Variants in CSMD3 observed in about 807,000 individuals in gnomAD.
CSMD3 encodes the protein CUB and Sushi multiple domains 3.
In CSMD3, 177 loss-of-function variants were observed where a neutral mutation model predicts 435.2. That is an observed-to-expected ratio of 0.41 (90% CI 0.36 to 0.46). The LOEUF (loss-of-function observed/expected upper bound fraction) is 0.46, where lower values mean the gene tolerates loss of function less well. Among genes scored for constraint, CSMD3 ranks in the 20% least tolerant of loss-of-function variants. The pLI, the probability that CSMD3 is intolerant of heterozygous loss-of-function variation, is 0.34. For missense variants in CSMD3, 4,265 were observed against 4,504.6 expected, an observed-to-expected ratio of 0.95 and a Z score of 1.52; for synonymous variants, 1,656 against 1,520.5, an observed-to-expected ratio of 1.09 and a Z score of -2.07.
At chr8:113,081,955 C>T (rs7817505) in intron 5 of CSMD3, among the ~76,000 whole-genome samples, 102,172 of 152,042 alleles carry the variant, frequency 0.67, 35,947 homozygotes, top group East Asian at 0.95. Context: ...ATCAATTCCT[C>T]TAGCAGGGAA....
chr8:113,013,278 A>G (rs2131138442), intron 6 of CSMD3, among the ~76,000 whole-genome samples: 1 of 152,192 alleles, frequency 6.6e-6, no homozygotes, highest in South Asian at 2.1e-4. Flanking sequence ...TATAAAGCCT[A>G]GTGTTTTATC....
chr8:112,920,918 TAC>T (rs371590869), intron 10 of CSMD3, among the ~76,000 whole-genome samples: 109 of 122,744 alleles, frequency 8.9e-4, no homozygotes, highest in African/African-American at 1.3e-3. Context: ...TATATATATA[TAC>T]ACACACACAC....
intron 5 of CSMD3, among the ~76,000 whole-genome samples, chr8:113,045,418 C>T (rs1323717794): frequency 6.7e-6 from 1 of 149,224 alleles, no homozygotes; most frequent in Non-Finnish European, 1.5e-5. Context: ...ATTTGGAATA[C>T]ATCTAACTCT....
intron 5 of CSMD3, among the ~76,000 whole-genome samples, chr8:113,042,612 C>G (rs1466347963): frequency 1.3e-5 from 2 of 151,812 alleles, no homozygotes; most frequent in East Asian, 3.9e-4. Context: ...TTCTGGATTC[C>G]CTAGATTTAT....
intron 32 of CSMD3, among the ~76,000 whole-genome samples, chr8:112,433,884 T>A (rs929375959): frequency 2.0e-5 from 3 of 152,108 alleles, no homozygotes; most frequent in African/African-American, 7.2e-5. Flanking sequence ...TTACTTCTTT[T>A]ATTTATTGTA....
rs142060023 is a variant in CSMD3, at chr8:112,932,994, T to C, written c.1509-11243A>G. 5.5e-3 allele frequency among the ~76,000 whole-genome samples: 842 copies of C among 152,254 alleles called. 3 individuals are homozygous for C. The highest frequency in any genetic ancestry group is 9.7e-3 in the Admixed American group (149 of 15,286). On this transcript the variant is annotated intron_variant, in intron 9 of 70. Transcript: ENST00000297405. ...TACACATCAATAAAATATATAAAAGTATTTCTGGTAAAAACAAAAACAAAA... is the reference window on the plus strand; with the variant it reads ...TACACATCAATAAAATATATAAAAGCATTTCTGGTAAAAACAAAAACAAAA...
chr8:112,386,743 C>T (rs964448051), intron 36 of CSMD3, among the ~76,000 whole-genome samples: 2 of 151,118 alleles, frequency 1.3e-5, no homozygotes, highest in African/African-American at 2.4e-5. Flanking sequence ...GTGATCCGCC[C>T]GCCTCGGCCC....
At chr8:113,174,000 A>C (rs2092310557) in intron 3 of CSMD3, 84 bp from the exon 4 acceptor site, 1 of 948,214 alleles carries the variant, frequency 1.1e-6, no homozygotes, top group East Asian at 2.6e-5. Flanking sequence ...ATATATGTAG[A>C]TATGGATATT....
At chr8:113,314,865 T>G in intron 1 of CSMD3, 72 bp from the exon 2 acceptor site, 1 of 1,074,876 alleles carries the variant, frequency 9.3e-7, no homozygotes, top group East Asian at 2.4e-5. Context: ...AATATTATTT[T>G]GAAAGTCTAT....
At chr8:112,720,299 G>T (rs2076829063) in intron 13 of CSMD3, among the ~76,000 whole-genome samples, 1 of 144,092 alleles carries the variant, frequency 6.9e-6, no homozygotes, top group Admixed American at 6.9e-5. Flanking sequence ...TAAAATGCTA[G>T]AAATTTTTTT....
At chr8:112,568,357 C>T (rs1291802377) in intron 24 of CSMD3, among the ~76,000 whole-genome samples, 1 of 151,944 alleles carries the variant, frequency 6.6e-6, no homozygotes, top group African/African-American at 2.4e-5. Context: ...TTTTGGGAGG[C>T]CAAGGCAGGT....
intron 67 of CSMD3, among the ~76,000 whole-genome samples, chr8:112,235,311 G>A (rs1242681133): frequency 6.6e-6 from 1 of 152,070 alleles, no homozygotes; most frequent in African/African-American, 2.4e-5. Flanking sequence ...TTGAGCCCAG[G>A]AGCCGGAGGT....
chr8:112,731,242 C>T (rs1428321312), intron 13 of CSMD3, among the ~76,000 whole-genome samples: 1 of 152,108 alleles, frequency 6.6e-6, no homozygotes. Flanking sequence ...GCAACAAATT[C>T]TCCTTATATA....
chr8:112,729,400 A>AT (rs774405980), intron 13 of CSMD3, among the ~76,000 whole-genome samples: 15 of 152,086 alleles, frequency 9.9e-5, no homozygotes, highest in Non-Finnish European at 1.9e-4. Context: ...TTATCAGCTG[A>AT]TTTTGAGTGG....
chr8:112,911,745 ATACAT>A (rs1278003737), intron 10 of CSMD3, among the ~76,000 whole-genome samples: 2 of 146,870 alleles, frequency 1.4e-5, no homozygotes, highest in Non-Finnish European at 3.0e-5. Context: ...TATATTATGT[ATACAT>A]TATAATATAT....
At chr8:113,398,064 C>T (rs2094492618) in intron 1 of CSMD3, among the ~76,000 whole-genome samples, 1 of 151,960 alleles carries the variant, frequency 6.6e-6, no homozygotes, top group African/African-American at 2.4e-5. Flanking sequence ...AGTGAATGCT[C>T]GATAGCGTTA....
intron 32 of CSMD3, among the ~76,000 whole-genome samples, chr8:112,432,735 G>A (rs192157356): frequency 5.3e-5 from 8 of 152,056 alleles, no homozygotes; most frequent in South Asian, 2.1e-4. Context: ...AGTATGAACC[G>A]GTTTGGGAAG....
intron 40 of CSMD3, among the ~76,000 whole-genome samples, chr8:112,347,099 G>T (rs1365034425): frequency 6.6e-6 from 1 of 152,070 alleles, no homozygotes; most frequent in East Asian, 1.9e-4. Flanking sequence ...TAAGTAAAAA[G>T]ATGCACACAA....
At position 113,173,773 on chromosome 8, in the gene CSMD3, C is replaced by T; in HGVS notation, c.658G>A (p.Ala220Thr). 1.2e-6 allele frequency: 2 copies of T among 1,613,790 alleles called. No individual in the cohort carries two copies. Among genetic ancestry groups the T allele is most frequent in the Non-Finnish European group, 1.7e-6 (2 of 1,179,770 alleles). The change falls in exon 4 of 71, where the codon GCC (alanine) becomes ACC (threonine). Residue 220 changes from alanine to threonine, a missense_variant. Physicochemically the swap from Ala to Thr is moderately conservative, Grantham distance 58 (BLOSUM62 0). Coordinates refer to ENST00000297405, the MANE Select transcript of CSMD3 (RefSeq NM_198123.2). ...CACGAAGCTGTATTAACTGAATTGG[C>T]TATGCAGGTGAGCTGAGGGTGGCCA... ...LDGHPQLTCIANSVNTASWDF... is the reference protein window; with the variant it reads ...LDGHPQLTCITNSVNTASWDF...
Sources: allele counts gnomAD v4.1 joint callset (sites outside exome capture counted in the v4.1 genomes callset), GRCh38; gene constraint gnomAD v4.1.1; transcripts MANE v1.5; gene names NCBI Gene and HGNC (gene_info 2026-07-23, HGNC 2026-07-21).